The following ZC3H6 variants were observed in gnomAD, a reference collection of about 807,000 sequenced individuals.
ZC3H6 encodes the protein zinc finger CCCH-type containing 6, also known as zinc finger CCCH domain-containing protein 6.
In ZC3H6, 40 loss-of-function variants were observed where a neutral mutation model predicts 107.7. The observed-to-expected ratio is 0.37, with a 90% CI of 0.29 to 0.48. The LOEUF is 0.48. Among genes scored for constraint, ZC3H6 ranks in the 20% least tolerant of loss-of-function variants. The probability of loss-of-function intolerance (pLI) is 0.98; values close to 1 mark genes in which losing one functional copy is unlikely to be tolerated. For missense variants in ZC3H6, 1,267 were observed against 1,410.4 expected, an observed-to-expected ratio of 0.90 and a Z score of 1.63; for synonymous variants, 493 against 487.9, an observed-to-expected ratio of 1.01 and a Z score of -0.14.
chr2:112,311,390 G>A (rs1443546079), intron 4 of ZC3H6, among the ~76,000 whole-genome samples: 1 of 152,060 alleles, frequency 6.6e-6, no homozygotes, highest in African/African-American at 2.4e-5. Flanking sequence ...TTTTCCTGGA[G>A]ATATATGTGT....
chr2:112,331,112 C>A lies in ZC3H6; in HGVS notation c.2194C>A (p.Gln732Lys). The A allele has an allele frequency of 6.2e-7, 1 of 1,612,754 alleles. No individual in the cohort carries two copies. Among genetic ancestry groups the A allele is most frequent in the Non-Finnish European group, 8.5e-7 (1 of 1,179,418 alleles). Residue 732 changes from glutamine (Q) to lysine (K), a missense_variant, in exon 12 of 12, where the codon CAA becomes AAA. Gln to Lys is a moderately conservative substitution (Grantham distance 53). Coordinates refer to ENST00000409871, the MANE Select transcript of ZC3H6 (RefSeq NM_198581.3). ...KQTETLRNQQ[Q>K]PSTELSTPTD... ...AACAGAAACTTTAAGGAATCAGCAACAACCTTCCACAGAACTCAGCACTCC... is the reference window on the plus strand; with the variant it reads ...AACAGAAACTTTAAGGAATCAGCAAAAACCTTCCACAGAACTCAGCACTCC...
In ZC3H6 at chr2:112,337,404, C is replaced by G. The variant is rs1677151785; in HGVS notation, c.*4916C>G. 1 of 151,958 alleles carries G rather than the reference C, an allele frequency of 6.6e-6. No homozygotes were observed. The highest frequency in any genetic ancestry group is 2.4e-5 in the African/African-American group (1 of 41,320). 9.4% of individuals were successfully genotyped at this position (151,958 alleles called of 1,614,324 possible). A position where few individuals can be genotyped will look rare whatever the true frequency, so the allele number is the denominator to read the frequency against. On this transcript the variant is annotated 3_prime_UTR_variant, in exon 12 of 12. Transcript: ENST00000409871. ...ATGGTGCAATCTCGGATCACTGCAA[C>G]CTCTGCCTCCCAGGTTCAAGTGATT...
intron 7 of ZC3H6, among the ~76,000 whole-genome samples, chr2:112,318,068 G>A (rs1404130746): frequency 1.3e-5 from 2 of 152,056 alleles, no homozygotes; most frequent in South Asian, 2.1e-4. Context: ...CAACAGCCAC[G>A]GTAATATTTG....
At chr2:112,308,408 A>T (rs920254031) in intron 3 of ZC3H6, among the ~76,000 whole-genome samples, 1 of 140,500 alleles carries the variant, frequency 7.1e-6, no homozygotes, top group Non-Finnish European at 1.5e-5. Flanking sequence ...ATTTTATTTT[A>T]TTTATTTATT....
chr2:112,324,790 A>G (rs1676876714), intron 10 of ZC3H6, 127 bp downstream of exon 10: 5 of 1,184,256 alleles, frequency 4.2e-6, no homozygotes, highest in Non-Finnish European at 5.8e-6. Context: ...AAACCTTAAA[A>G]TGTTTTCAGT....
At chr2:112,311,330 T>C (rs2104713306) in intron 4 of ZC3H6, among the ~76,000 whole-genome samples, 1 of 152,296 alleles carries the variant, frequency 6.6e-6, no homozygotes, top group African/African-American at 2.4e-5. Flanking sequence ...TTGGGTATCT[T>C]TTTACATACT....
rs752051972 is a variant in ZC3H6, at chr2:112,331,752, G to T, written c.2834G>T (p.Gly945Val). The stretch of plus-strand genomic sequence containing the variant: ...AAAATTAACACAACAAACAGAGAAG[G>T]CTACCTAGAACAATTTGGAGACTCA... ...KAKINTTNREGYLEQFGDSHG... is the reference protein window; with the variant it reads ...KAKINTTNREVYLEQFGDSHG... Residue 945 changes from glycine (G) to valine (V), a missense_variant, in exon 12 of 12, where the codon GGC becomes GTC. By Grantham distance (109) the Gly-to-Val change is moderately radical. This residue lies in a region of ZC3H6 where 925 missense variants were observed against 1,025.7 expected (regional missense o/e 0.90). Transcript: ENST00000409871. The T allele has an allele frequency of 2.5e-6, 4 of 1,613,650 alleles. No homozygotes were observed. Among genetic ancestry groups the T allele is most frequent in the South Asian group, 1.1e-5 (1 of 91,070 alleles).
intron 1 of ZC3H6, among the ~76,000 whole-genome samples, chr2:112,288,708 T>C (rs1686656532): frequency 6.6e-6 from 1 of 152,242 alleles, no homozygotes; most frequent in African/African-American, 2.4e-5. Flanking sequence ...TTAAGAAATC[T>C]TTTGTTGCTG....
At position 112,325,145 on chromosome 2, in the gene ZC3H6, A is replaced by T. The variant is rs1216917657; in HGVS notation, c.2034A>T (p.Glu678Asp). 1.2e-6 allele frequency: 2 copies of T among 1,614,048 alleles called. No homozygotes were observed. Among genetic ancestry groups the T allele is most frequent in the Non-Finnish European group, 1.7e-6 (2 of 1,179,902 alleles). ...LFVRLTQRYQ[E>D]DEEQTSTQPH... ...TAAGACTTACTCAGAGATACCAAGA[A>T]GATGAAGAACAAACCAGCACCCAAC... The change falls in exon 11 of 12, where the codon GAA becomes GAT. Residue 678 changes from glutamate to aspartate, a missense_variant. Transcript: ENST00000409871.
chr2:112,290,936 AT>A (rs1398656514), intron 1 of ZC3H6, among the ~76,000 whole-genome samples: 1 of 140,128 alleles, frequency 7.1e-6, no homozygotes, highest in Non-Finnish European at 1.5e-5. Flanking sequence ...AGTACTATCC[AT>A]TATATCAGGT....
At chr2:112,300,499 C>T (rs910170215) in intron 2 of ZC3H6, among the ~76,000 whole-genome samples, 3 of 152,140 alleles carry the variant, frequency 2.0e-5, no homozygotes, top group African/African-American at 2.4e-5. Context: ...GCCACCACAC[C>T]GGGCTTCAAG....
intron 1 of ZC3H6, among the ~76,000 whole-genome samples, chr2:112,297,197 A>C (rs575789993): frequency 6.6e-6 from 1 of 152,358 alleles, no homozygotes; most frequent in South Asian, 2.1e-4. Context: ...CAGTTTCAGC[A>C]GTTACCAACT....
Position 112,331,218 on chromosome 2 carries a change from A to C in ZC3H6, c.2300A>C (p.Asp767Ala). The change falls in exon 12 of 12, where the codon GAC (aspartate) becomes GCC (alanine). Residue 767 changes from aspartate to alanine, a missense_variant. This residue lies in a region of ZC3H6 where 925 missense variants were observed against 1,025.7 expected (regional missense o/e 0.90). Transcript: ENST00000409871. ...AGGCTTAGGACTATCCCAAGGCAAG[A>C]CATTAGAAAGCCTTCTGAGTCTGCC... is the stretch of plus-strand genomic sequence containing the variant. ...DPRLRTIPRQ[D>A]IRKPSESAPL... The C allele has an allele frequency of 6.2e-7, 1 of 1,613,292 alleles. No homozygotes were observed. The highest frequency in any genetic ancestry group is 1.3e-5 in the African/African-American group (1 of 74,990).
chr2:112,289,933 G>A (rs1358246667), intron 1 of ZC3H6, among the ~76,000 whole-genome samples: 7 of 152,104 alleles, frequency 4.6e-5, no homozygotes, highest in Admixed American at 4.6e-4. Flanking sequence ...TAGAGACGGG[G>A]TTTTACCGTG....
intron 11 of ZC3H6, among the ~76,000 whole-genome samples, chr2:112,327,319 T>C (rs1014249181): frequency 1.3e-5 from 2 of 152,232 alleles, no homozygotes; most frequent in Non-Finnish European, 2.9e-5. Flanking sequence ...TTTTATGTCT[T>C]CTTTTGAGAA....
chr2:112,295,051 A>T lies in ZC3H6; in HGVS notation c.33-4798A>T, dbSNP rs369588824. ...TTAGAACATTTTCACCACTCCACAA[A>T]GTAACCCTTTACCCACTAGCATTCA... On this transcript the variant is annotated intron_variant, in intron 1 of 11. Coordinates refer to ENST00000409871, the MANE Select transcript of ZC3H6 (RefSeq NM_198581.3). Among the ~76,000 whole-genome samples, 136 of 152,266 alleles carry T rather than the reference A, an allele frequency of 8.9e-4. 1 individual carries two copies. Among genetic ancestry groups the T allele is most frequent in the African/African-American group, 3.2e-3 (133 of 41,542 alleles).
chr2:112,279,885 A>G (rs1195043818), intron 1 of ZC3H6, among the ~76,000 whole-genome samples: 2 of 152,210 alleles, frequency 1.3e-5, no homozygotes, highest in Non-Finnish European at 2.9e-5. Context: ...TCCTACTTGC[A>G]ATATTATCTT....
In ZC3H6 at chr2:112,285,571, T is replaced by G. The variant is rs923039541; in HGVS notation, c.32+9545T>G. Among the ~76,000 whole-genome samples the G allele has an allele frequency of 2.7e-5, 4 of 148,220 alleles. No homozygotes were observed. The Admixed American group carries it at 2.7e-4, about 10-fold the overall frequency. Reference sequence around the variant, plus strand: ...CGGGGTTTCACCATGTTGGCCAGGCTGGTCTCCAACTCCCAACCTCAAGGG... The same window carrying G: ...CGGGGTTTCACCATGTTGGCCAGGCGGGTCTCCAACTCCCAACCTCAAGGG... On this transcript the variant is annotated intron_variant, in intron 1 of 11. Coordinates refer to ENST00000409871, the MANE Select transcript of ZC3H6 (RefSeq NM_198581.3).
At chr2:112,309,531 A>C (rs1676556223) in intron 3 of ZC3H6, among the ~76,000 whole-genome samples, 1 of 152,158 alleles carries the variant, frequency 6.6e-6, no homozygotes, top group Non-Finnish European at 1.5e-5. Context: ...ACCCCAAGCT[A>C]TTTAACTATC....
Sources: allele counts gnomAD v4.1 joint callset (sites outside exome capture counted in the v4.1 genomes callset), GRCh38; gene constraint gnomAD v4.1.1; regional missense constraint gnomAD v4.1.1; transcripts MANE v1.5; gene names NCBI Gene and HGNC (gene_info 2026-07-23, HGNC 2026-07-21).